SLC26A4: variants seen among roughly 807,000 people sequenced by gnomAD.
SLC26A4 encodes pendrin.
A neutral mutation model predicts 90.4 loss-of-function variants in SLC26A4; 93 were observed. The ratio of observed to expected loss-of-function variants is 1.03; its 90% CI spans 0.87 to 1.22. SLC26A4 has a LOEUF of 1.22. SLC26A4 is among the 50% of genes most tolerant of loss of function. The pLI is 0.00. For synonymous variants in SLC26A4, 393 were observed against 354.6 expected, an observed-to-expected ratio of 1.11 and a Z score of -1.22; for missense variants, 1,127 against 946.2, an observed-to-expected ratio of 1.19 and a Z score of -2.51.
chr7:107,694,910 T>C (rs1456603106), intron 12 of SLC26A4, among the ~76,000 whole-genome samples, 194 bp downstream of exon 12: 3 of 152,182 alleles, frequency 2.0e-5, no homozygotes, highest in Admixed American at 2.0e-4. Context: ...AGATTCTGTA[T>C]CTCTGGGAAG....
At chr7:107,684,995 C>T (rs1791356219) in intron 8 of SLC26A4, among the ~76,000 whole-genome samples, 1 of 152,172 alleles carries the variant, frequency 6.6e-6, no homozygotes, top group African/African-American at 2.4e-5. Context: ...GCAGAGCTTT[C>T]CTGTGCTCTC....
Position 107,661,882 on chromosome 7 carries a change from C to T in SLC26A4, c.164+77C>T, listed in dbSNP as rs1790566791. ...CTTGGGGAGGGAAGGGCGTCCCCAGCGGGCGAGAGTGGGGTGCGGGCGGCG... is the reference window on the plus strand; with the variant it reads ...CTTGGGGAGGGAAGGGCGTCCCCAGTGGGCGAGAGTGGGGTGCGGGCGGCG... On this transcript the variant is annotated intron_variant, in intron 2 of 20. Transcript: ENST00000644269. This position sits in a 1 kb window ranked among gnomAD's most constrained non-coding sequence, Gnocchi z 5.1. The T allele has an allele frequency of 3.4e-6, 5 of 1,457,642 alleles. No homozygotes were observed. In the East Asian group the frequency reaches 1.3e-4, roughly 37 times the overall value. 90.3% of individuals were successfully genotyped at this position (1,457,642 alleles called of 1,614,324 possible). A position where few individuals can be genotyped will look rare whatever the true frequency, so the allele number is the denominator to read the frequency against.
Position 107,661,827 on chromosome 7 carries a change from G to C in SLC26A4, c.164+22G>C. Reference sequence around the variant, plus strand: ...GCAGGTAGCGGCCGCGCGGGCCTGCGTAGAGAGAAGCGGAGCGGGGCGTCC... The same window carrying C: ...GCAGGTAGCGGCCGCGCGGGCCTGCCTAGAGAGAAGCGGAGCGGGGCGTCC... On this transcript the variant is annotated intron_variant, in intron 2 of 20. Transcript: ENST00000644269. This position sits in a 1 kb window ranked among gnomAD's most constrained non-coding sequence, Gnocchi z 5.1. 1 of 1,529,640 alleles carries C rather than the reference G, an allele frequency of 6.5e-7. No individual in the cohort carries two copies. The allele number at this position is 1,529,640 out of a possible 1,614,324, so 94.8% of individuals were successfully genotyped here.
chr7:107,705,851 T>G (rs1278253849), intron 18 of SLC26A4, among the ~76,000 whole-genome samples: 1 of 152,208 alleles, frequency 6.6e-6, no homozygotes, highest in Non-Finnish European at 1.5e-5. Flanking sequence ...TTTGTAGTTT[T>G]ATTGTCTCTA....
Position 107,689,112 on chromosome 7 carries a change from T to C in SLC26A4, c.1061T>C (p.Phe354Ser), listed in dbSNP as rs111033243. The change falls in exon 9 of 21, where the codon TTT (phenylalanine) becomes TCT (serine). Residue 354 changes from phenylalanine to serine, a missense_variant. Coordinates refer to ENST00000644269, the MANE Select transcript of SLC26A4 (RefSeq NM_000441.2). ...SLFSEMLAAS[F>S]SIAVVAYAIA... ...TTCTCGGAGATGCTGGCTGCATCAT[T>C]TTCCATCGCTGTGGTGGCTTATGCT... 888 of 1,614,000 alleles carry C rather than the reference T, an allele frequency of 5.5e-4. 6 individuals are homozygous for C. In the Middle Eastern group the frequency reaches 8.7e-3, roughly 16 times the overall value.
At chr7:107,675,221 T>C in intron 6 of SLC26A4, 112 bp downstream of exon 6, 1 of 1,027,786 alleles carries the variant, frequency 9.7e-7, no homozygotes, top group South Asian at 1.3e-5. Context: ...ATCCCAGCAC[T>C]TTGGAAGGCC....
chr7:107,708,478 CT>C, intron 18 of SLC26A4, among the ~76,000 whole-genome samples: 1 of 152,096 alleles, frequency 6.6e-6, no homozygotes. Context: ...TCCTTCCTGC[CT>C]TGTTTTGATT....
intron 14 of SLC26A4, 73 bp downstream of exon 14, chr7:107,698,184 A>G (rs1791793111): frequency 3.1e-6 from 3 of 960,168 alleles, no homozygotes; most frequent in Non-Finnish European, 5.1e-6. Context: ...CATTTTACGT[A>G]CAAGGTAGCC....
intron 10 of SLC26A4, among the ~76,000 whole-genome samples, chr7:107,691,514 T>TATATACACACAC (rs1417607238): frequency 1.4e-4 from 18 of 130,978 alleles, no homozygotes; most frequent in Admixed American, 2.4e-4. Flanking sequence ...AATATATATA[T>TATATACACACAC]ACACACACAC....
chr7:107,671,345 A>C (rs62469778), intron 3 of SLC26A4, among the ~76,000 whole-genome samples: 11,855 of 152,136 alleles, frequency 0.078, 605 homozygotes, highest in Non-Finnish European at 0.11. Flanking sequence ...TTTATTGTAG[A>C]GATGGAGTCT....
chr7:107,712,479 C>A, intron 19 of SLC26A4, 60 bp from the exon 20 acceptor site: 1 of 841,818 alleles, frequency 1.2e-6, no homozygotes, highest in South Asian at 1.3e-5. Context: ...AAATCATTTT[C>A]AGTGGAGCAT....
intron 14 of SLC26A4, 76 bp downstream of exon 14, chr7:107,698,187 AG>A: frequency 1.1e-6 from 1 of 915,988 alleles, no homozygotes; most frequent in African/African-American, 1.6e-5. Flanking sequence ...TTTACGTACA[AG>A]GTAGCCAAAG....
Position 107,715,548 on chromosome 7 carries a change from T to A in SLC26A4, c.*102T>A. 1 of 931,436 alleles carries A rather than the reference T, an allele frequency of 1.1e-6. No homozygotes were observed. Among genetic ancestry groups the A allele is most frequent in the Non-Finnish European group, 1.8e-6 (1 of 556,326 alleles). The allele number at this position is 931,436 out of a possible 1,614,324, so 57.7% of individuals were successfully genotyped here. ...TCAAAACACTCATTCTTTTTTCTAT[T>A]AAGCCATTGAAAGAGAAGCACTAAG... is the stretch of plus-strand genomic sequence containing the variant. On this transcript the variant is annotated 3_prime_UTR_variant, in exon 21 of 21. Coordinates refer to ENST00000644269, the MANE Select transcript of SLC26A4 (RefSeq NM_000441.2).
At chr7:107,674,673 G>T (rs918665187) in intron 5 of SLC26A4, among the ~76,000 whole-genome samples, 1 of 152,188 alleles carries the variant, frequency 6.6e-6, no homozygotes, top group Non-Finnish European at 1.5e-5. Flanking sequence ...AGGACCGAAA[G>T]CCACATAAAT....
chr7:107,695,940 G>A lies in SLC26A4; in HGVS notation c.1445G>A (p.Trp482Ter). ...WRQNKIDAVIWVFTCIVSIIL... is the reference protein window; with the variant it reads ...WRQNKIDAVI ...TTCTATTTTTTTCCCTAGGTTATCT[G>A]GGTGTTTACGTGTATAGTGTCCATC... is the stretch of plus-strand genomic sequence containing the variant. The change falls in exon 13 of 21, where the codon TGG (tryptophan) becomes TAG (stop). Residue 482 changes from tryptophan (W) to a stop codon, truncating the protein, a stop_gained. Transcript: ENST00000644269. LOFTEE classifies it high-confidence loss of function. 1 of 1,578,128 alleles carries A rather than the reference G, an allele frequency of 6.3e-7. No homozygotes were observed.
intron 20 of SLC26A4, 39 bp downstream of exon 20, chr7:107,712,661 A>G (rs1312870420): frequency 9.8e-7 from 1 of 1,023,738 alleles, no homozygotes; most frequent in East Asian, 2.4e-5. Flanking sequence ...TTTGAATTAC[A>G]TTTTGAATAA....
In SLC26A4 at chr7:107,689,198, C is replaced by T. The variant is rs1188522399; in HGVS notation, c.1147C>T (p.Gln383Ter). ...TKYDYTIDGN[Q>*]EFIAFGISNI... ...GTATGATTACACCATCGATGGGAAC[C>T]AGGTATGGGTGCCCTTTTGCTGAAC... The change falls in exon 9 of 21, where the codon CAG becomes TAG. Residue 383 changes from glutamine (Q) to a stop codon, truncating the protein, a stop_gained and splice_region_variant. Transcript: ENST00000644269. LOFTEE classifies it high-confidence loss of function. The T allele has an allele frequency of 6.2e-7, 1 of 1,613,442 alleles. No individual in the cohort carries two copies. The highest frequency in any genetic ancestry group is 1.3e-5 in the African/African-American group (1 of 74,848).
chr7:107,696,812 G>A (rs1049279065), intron 13 of SLC26A4, among the ~76,000 whole-genome samples: 4 of 152,148 alleles, frequency 2.6e-5, no homozygotes, highest in Non-Finnish European at 5.9e-5. Context: ...GGGCCTAGAG[G>A]GGAACAGAGT....
rs727504813 is a variant in SLC26A4 at position 107,712,545 on chromosome 7, C to G, written c.2242C>G (p.Leu748Val). The change falls in exon 20 of 21, where the codon CTC becomes GTC. Residue 748 changes from leucine (L) to valine (V), a missense_variant. Transcript: ENST00000644269. ...CTGTGTTCTCTTTTTCAAGATCACT[C>G]TCATTCAGGATTGTAAAGATACCCT... ...GQGSILETIT[L>V]IQDCKDTLEL... The G allele has an allele frequency of 1.1e-5, 17 of 1,546,556 alleles. No homozygotes were observed. The African/African-American group carries it at 1.8e-4, about 16-fold the overall frequency.
Sources: gnomAD v4.1 joint callset for allele counts (sites outside exome capture counted in the v4.1 genomes callset) on GRCh38, gnomAD v4.1.1 for gene constraint, Gnocchi (gnomAD v3.1) non-coding constraint, MANE v1.5 for transcripts, NCBI Gene and HGNC (gene_info 2026-07-23, HGNC 2026-07-21) for gene names.